The following FRAS1 variants were observed in gnomAD, a reference collection of about 807,000 sequenced individuals.
FRAS1 encodes the protein Fraser extracellular matrix complex subunit 1.
Under a neutral mutation model 435.2 loss-of-function variants are expected in FRAS1, and 290 were observed. The observed-to-expected ratio is 0.67, with a 90% CI of 0.61 to 0.73. FRAS1 has a LOEUF of 0.73. Ranked by LOEUF, FRAS1 falls within the 30% of genes least tolerant of loss-of-function variation. FRAS1 has a pLI of 0.00. For missense variants in FRAS1, 4,860 were observed against 5,001.5 expected (o/e 0.97, Z 0.85); for synonymous variants, 1,800 against 1,851.0 (o/e 0.97, Z 0.71).
intron 15 of FRAS1, among the ~76,000 whole-genome samples, chr4:78,311,893 A>G (rs984814721): frequency 3.9e-5 from 6 of 152,170 alleles, no homozygotes; most frequent in Admixed American, 1.3e-4. Context: ...CCATTGCTCT[A>G]TTGGCCTTGC....
chr4:78,099,003 C>T (rs1312401318), intron 2 of FRAS1, among the ~76,000 whole-genome samples: 4 of 152,172 alleles, frequency 2.6e-5, no homozygotes, highest in Non-Finnish European at 4.4e-5. Context: ...AGCTCCTGCT[C>T]CCAAAATCAG....
chr4:78,279,903 C>A (rs1249986466), intron 10 of FRAS1, among the ~76,000 whole-genome samples: 1 of 152,130 alleles, frequency 6.6e-6, no homozygotes, highest in Non-Finnish European at 1.5e-5. Flanking sequence ...TAGTACTGAT[C>A]CTGATTGGCA....
At chr4:78,418,577 A>G (rs1429906918) in intron 32 of FRAS1, among the ~76,000 whole-genome samples, 1 of 152,192 alleles carries the variant, frequency 6.6e-6, no homozygotes, top group African/African-American at 2.4e-5. Context: ...GAGAGACACA[A>G]TGAGCCAGCT....
At chr4:78,528,652 T>C (rs576236998) in intron 70 of FRAS1, among the ~76,000 whole-genome samples, 1 of 152,336 alleles carries the variant, frequency 6.6e-6, no homozygotes, top group Non-Finnish European at 1.5e-5. Context: ...TGTTTATCAG[T>C]GATCAACTGA....
At chr4:78,162,073 G>A (rs1235893077) in intron 2 of FRAS1, among the ~76,000 whole-genome samples, 1 of 152,062 alleles carries the variant, frequency 6.6e-6, no homozygotes, top group Non-Finnish European at 1.5e-5. Context: ...GTATAAAATT[G>A]TGGCCAAATG....
intron 35 of FRAS1, among the ~76,000 whole-genome samples, chr4:78,425,929 G>T (rs1485635395): frequency 1.3e-5 from 2 of 152,062 alleles, no homozygotes; most frequent in African/African-American, 4.8e-5. Flanking sequence ...TTGAGCCCAG[G>T]AGTTCAAGAC....
intron 18 of FRAS1, among the ~76,000 whole-genome samples, chr4:78,332,164 G>A (rs1250054029): frequency 1.3e-5 from 2 of 152,152 alleles, no homozygotes; most frequent in Non-Finnish European, 2.9e-5. Flanking sequence ...ATAGTAGCCT[G>A]GAGTGTAAGC....
In FRAS1 at chr4:78,112,722, T is replaced by C. The variant is rs533544826; in HGVS notation, c.108+46706T>C. On this transcript the variant is annotated intron_variant, in intron 2 of 73. Transcript: ENST00000512123. ...CTATGCTTCATAGATATATTTTTCTTTTAATACATTTATTATATATCTAAC... is the reference window on the plus strand; with the variant it reads ...CTATGCTTCATAGATATATTTTTCTCTTAATACATTTATTATATATCTAAC... 6.7e-4 allele frequency among the ~76,000 whole-genome samples: 102 copies of C among 152,218 alleles called. 2 individuals are homozygous for C. The highest frequency in any genetic ancestry group is 3.4e-4 in the Non-Finnish European group (23 of 68,020).
chr4:78,295,799 C>T lies in FRAS1; in HGVS notation c.1534+9260C>T, dbSNP rs576182846. Among the ~76,000 whole-genome samples, 18 of 150,796 alleles carry T rather than the reference C, an allele frequency of 1.2e-4. 1 individual carries two copies. Among genetic ancestry groups the T allele is most frequent in the African/African-American group, 4.4e-4 (18 of 41,008 alleles). On this transcript the variant is annotated intron_variant, in intron 14 of 73. Coordinates refer to ENST00000512123, the MANE Select transcript of FRAS1 (RefSeq NM_025074.7). ...TCACTCTGTCACCCAGGCTGTAGTA[C>T]AGTGGCGCAATCTTGGCTCACTGTA...
At position 78,126,216 on chromosome 4, in the gene FRAS1, G is replaced by A. The variant is rs577434555; in HGVS notation, c.108+60200G>A. 7.9e-5 allele frequency among the ~76,000 whole-genome samples: 12 copies of A among 152,272 alleles called. No individual in the cohort carries two copies. In the South Asian group the frequency reaches 2.5e-3, roughly 32 times the overall value. On this transcript the variant is annotated intron_variant, in intron 2 of 73. Transcript: ENST00000512123. ...ATGGGACCCACCGAGCCAGGCACAG[G>A]AGGGGATCTCCTGGTCTGCCAGTTG...
At chr4:78,505,417 A>G (rs547131725) in intron 61 of FRAS1, among the ~76,000 whole-genome samples, 5 of 152,164 alleles carry the variant, frequency 3.3e-5, no homozygotes, top group African/African-American at 1.2e-4. Flanking sequence ...TGGAGGATTT[A>G]TTCATTTCTT....
chr4:78,490,946 T>C (rs560354709), intron 59 of FRAS1, among the ~76,000 whole-genome samples: 1 of 151,108 alleles, frequency 6.6e-6, no homozygotes, highest in South Asian at 2.1e-4. Flanking sequence ...AATAATCAAA[T>C]AGACACAATA....
At chr4:78,456,209 T>A (rs1189101513) in intron 47 of FRAS1, among the ~76,000 whole-genome samples, 1 of 89,428 alleles carries the variant, frequency 1.1e-5, no homozygotes, top group Non-Finnish European at 2.3e-5. Flanking sequence ...AACGGTGTGA[T>A]CTTGGCTCAT....
At chr4:78,124,289 A>T (rs1044884240) in intron 2 of FRAS1, among the ~76,000 whole-genome samples, 43 of 152,160 alleles carry the variant, frequency 2.8e-4, no homozygotes, top group Admixed American at 1.0e-3. Flanking sequence ...TGATTTGCAT[A>T]TGTTGAATCA....
At chr4:78,267,875 T>C (rs1726447111) in intron 9 of FRAS1, among the ~76,000 whole-genome samples, 1 of 152,204 alleles carries the variant, frequency 6.6e-6, no homozygotes, top group African/African-American at 2.4e-5. Flanking sequence ...GAGGGGCCGC[T>C]TCCGTGGATC....
intron 36 of FRAS1, 136 bp downstream of exon 36, chr4:78,429,362 C>A: frequency 9.1e-7 from 1 of 1,104,028 alleles, no homozygotes; most frequent in Non-Finnish European, 1.3e-6. Context: ...CTGTATCCTT[C>A]CTCCTGCCCA....
At chr4:78,259,899 G>A (rs1157800700) in intron 6 of FRAS1, among the ~76,000 whole-genome samples, 1 of 152,158 alleles carries the variant, frequency 6.6e-6, no homozygotes, top group East Asian at 1.9e-4. Context: ...GTGTAAGGAA[G>A]GGATCCGATT....
intron 59 of FRAS1, among the ~76,000 whole-genome samples, chr4:78,496,176 A>G (rs1339211025): frequency 6.6e-6 from 1 of 152,218 alleles, no homozygotes; most frequent in African/African-American, 2.4e-5. Context: ...AATCCTCAGT[A>G]GAGAATATTC....
At chr4:78,444,648 C>CA (rs1421798809) in intron 41 of FRAS1, among the ~76,000 whole-genome samples, 1 of 152,156 alleles carries the variant, frequency 6.6e-6, no homozygotes, top group African/African-American at 2.4e-5. Context: ...AATTTCAAAT[C>CA]AATCAGTTAG....
Sources: gnomAD v4.1 joint callset for allele counts (sites outside exome capture counted in the v4.1 genomes callset) on GRCh38, gnomAD v4.1.1 for gene constraint, MANE v1.5 for transcripts, NCBI Gene and HGNC (gene_info 2026-07-23, HGNC 2026-07-21) for gene names.